The following UST variants were observed in gnomAD, a reference collection of about 807,000 sequenced individuals.
UST encodes uronyl 2-sulfotransferase, also known as chondroitin sulfate 2-O-sulfotransferase.
In UST, 21 loss-of-function variants were observed where a neutral mutation model predicts 45.6. The ratio of observed to expected loss-of-function variants is 0.46; its 90% CI spans 0.33 to 0.66. The LOEUF is 0.66. UST is among the 30% of genes least tolerant of loss of function. The pLI is 0.02. For missense variants in UST, 463 were observed against 512.4 expected (o/e 0.90, Z 0.93); for synonymous variants, 215 against 200.6 (o/e 1.07, Z -0.61).
intron 7 of UST, among the ~76,000 whole-genome samples, chr6:149,042,307 T>G (rs1776325599): frequency 6.6e-6 from 1 of 152,204 alleles, no homozygotes; most frequent in East Asian, 1.9e-4. Context: ...TCATCTAAAT[T>G]TGGTGCACTA....
At position 148,867,566 on chromosome 6, in the gene UST, G is replaced by A. The variant is rs532890483; in HGVS notation, c.248-19420G>A. On this transcript the variant is annotated intron_variant, in intron 1 of 7. Coordinates refer to ENST00000367463, the MANE Select transcript of UST (RefSeq NM_005715.3). ...GGTGAGAGATAATTGAATCCTGGGG[G>A]CAGTTTCCCCCATACTGTTCTCGTG... is the stretch of plus-strand genomic sequence containing the variant. Among the ~76,000 whole-genome samples, 16 of 152,144 alleles carry A rather than the reference G, an allele frequency of 1.1e-4. No individual in the cohort carries two copies. In the East Asian group the frequency reaches 2.7e-3, roughly 26 times the overall value.
intron 2 of UST, among the ~76,000 whole-genome samples, chr6:148,937,102 A>AACCT (rs1780040260): frequency 5.9e-5 from 9 of 152,236 alleles, no homozygotes; most frequent in Admixed American, 3.9e-4. Flanking sequence ...GGCAAGTTTC[A>AACCT]ATGCATTACA....
At chr6:148,877,537 G>A (rs1361376349) in intron 1 of UST, among the ~76,000 whole-genome samples, 2 of 122,834 alleles carry the variant, frequency 1.6e-5, no homozygotes, top group East Asian at 2.7e-4. Context: ...GCAGGGGATC[G>A]TGTTTGAGTG....
chr6:148,904,977 C>G (rs971954033), intron 2 of UST, among the ~76,000 whole-genome samples: 1 of 152,206 alleles, frequency 6.6e-6, no homozygotes, highest in African/African-American at 2.4e-5. Flanking sequence ...GTTTGAAGAT[C>G]CTGGTCCAAG....
intron 1 of UST, among the ~76,000 whole-genome samples, chr6:148,775,035 G>A (rs1421920564): frequency 1.3e-5 from 2 of 151,828 alleles, no homozygotes; most frequent in East Asian, 3.9e-4. Flanking sequence ...AAAAAAAAAA[G>A]AGTGCATGAA....
In UST at chr6:148,758,355, C is replaced by T. The variant is rs539796270; in HGVS notation, c.247+10678C>T. Among the ~76,000 whole-genome samples the T allele has an allele frequency of 2.0e-5, 3 of 152,312 alleles. No individual in the cohort carries two copies. In the South Asian group the frequency reaches 6.2e-4, roughly 32 times the overall value. ...GTCTTTAAATGACACATTTTTTGCA[C>T]AGCCTGATTTCCTCTGTTTTGAATT... On this transcript the variant is annotated intron_variant, in intron 1 of 7. Transcript: ENST00000367463.
intron 1 of UST, among the ~76,000 whole-genome samples, chr6:148,875,527 G>T (rs1397717719): frequency 1.3e-5 from 2 of 152,196 alleles, no homozygotes; most frequent in Non-Finnish European, 2.9e-5. Flanking sequence ...AACTGGCTGG[G>T]TGCGGTGGCT....
intron 1 of UST, among the ~76,000 whole-genome samples, chr6:148,787,249 A>G (rs1776750206): frequency 6.6e-6 from 1 of 152,006 alleles, no homozygotes; most frequent in South Asian, 2.1e-4. Context: ...TGTCTTCATC[A>G]TTAAATCTTT....
At chr6:148,931,324 C>G (rs1328361184) in intron 2 of UST, among the ~76,000 whole-genome samples, 1 of 152,220 alleles carries the variant, frequency 6.6e-6, no homozygotes, top group African/African-American at 2.4e-5. Context: ...AGAGCAGACT[C>G]TTAAACCTTA....
chr6:148,933,313 C>T (rs929324228), intron 2 of UST, among the ~76,000 whole-genome samples: 1 of 152,034 alleles, frequency 6.6e-6, no homozygotes. Context: ...ATTAATTATC[C>T]ACTATATACA....
At chr6:149,035,788 G>A (rs1407661295) in intron 7 of UST, among the ~76,000 whole-genome samples, 1 of 150,720 alleles carries the variant, frequency 6.6e-6, no homozygotes, top group African/African-American at 2.4e-5. Flanking sequence ...GCGAAGAAAA[G>A]CTAATTGTAA....
chr6:148,816,905 C>T (rs1356518977), intron 1 of UST, among the ~76,000 whole-genome samples: 2 of 152,088 alleles, frequency 1.3e-5, no homozygotes, highest in East Asian at 1.9e-4. Flanking sequence ...CAAACCATTA[C>T]CCCCAACAGA....
rs369074930 is a variant in UST at position 148,876,938 on chromosome 6, T to G, written c.248-10048T>G. ...TTCAGATTTTCCAGAGCCTTCTTAC[T>G]TGCGGATCCTGTGGGCCCATGAAGT... On this transcript the variant is annotated intron_variant, in intron 1 of 7. Coordinates refer to ENST00000367463, the MANE Select transcript of UST (RefSeq NM_005715.3). 4.8e-5 allele frequency among the ~76,000 whole-genome samples: 6 copies of G among 125,378 alleles called. No individual in the cohort carries two copies. In the East Asian group the frequency reaches 1.0e-3, roughly 22 times the overall value. The allele number at this position is 125,378 out of a possible 152,430, so 82.3% of individuals were successfully genotyped here. A position where few individuals can be genotyped will look rare whatever the true frequency, so the allele number is the denominator to read the frequency against.
At chr6:149,038,838 G>C (rs1220933585) in intron 7 of UST, among the ~76,000 whole-genome samples, 2 of 152,120 alleles carry the variant, frequency 1.3e-5, no homozygotes, top group Non-Finnish European at 2.9e-5. Flanking sequence ...TCTAATATTT[G>C]GGGAAAGCTT....
At chr6:148,801,710 G>A (rs766144575) in intron 1 of UST, among the ~76,000 whole-genome samples, 7 of 152,012 alleles carry the variant, frequency 4.6e-5, no homozygotes, top group Admixed American at 6.5e-5. Context: ...GCATCAGCAC[G>A]TGCTTAGCAG....
chr6:149,022,847 C>T (rs866693377), intron 7 of UST, among the ~76,000 whole-genome samples: 3 of 152,126 alleles, frequency 2.0e-5, no homozygotes, highest in African/African-American at 7.2e-5. Context: ...CCTCCCAGCT[C>T]TCATTAGAGT....
intron 5 of UST, among the ~76,000 whole-genome samples, chr6:149,016,793 C>T (rs1246531649): frequency 6.6e-6 from 1 of 152,178 alleles, no homozygotes; most frequent in African/African-American, 2.4e-5. Flanking sequence ...TGTGAAATCT[C>T]GACCTCAGCA....
At position 148,790,759 on chromosome 6, in the gene UST, A is replaced by T. The variant is rs1776829951; in HGVS notation, c.247+43082A>T. ...CATCCAATGCCTGGTTGATGTGGGG[A>T]TACAAAGGTCTGATCCCCTTGCGTC... On this transcript the variant is annotated intron_variant, in intron 1 of 7. Coordinates refer to ENST00000367463, the MANE Select transcript of UST (RefSeq NM_005715.3). This position sits in a 1 kb window ranked among gnomAD's most constrained non-coding sequence, Gnocchi z 4.2. Among the ~76,000 whole-genome samples, 2 of 152,082 alleles carry T rather than the reference A, an allele frequency of 1.3e-5. No homozygotes were observed. Among genetic ancestry groups the T allele is most frequent in the South Asian group, 2.1e-4 (1 of 4,818 alleles).
chr6:148,982,792 T>A (rs1349743228), intron 5 of UST, among the ~76,000 whole-genome samples: 3 of 152,240 alleles, frequency 2.0e-5, no homozygotes, highest in Non-Finnish European at 4.4e-5. Flanking sequence ...GTAAGTAAAA[T>A]GTTGTCATTA....
Sources: allele counts gnomAD v4.1 joint callset (sites outside exome capture counted in the v4.1 genomes callset), GRCh38; gene constraint gnomAD v4.1.1; non-coding constraint Gnocchi (gnomAD v3.1); transcripts MANE v1.5; gene names NCBI Gene and HGNC (gene_info 2026-07-23, HGNC 2026-07-21).